Variants in CPSF4 observed in about 807,000 individuals in gnomAD.
CPSF4 encodes the protein cleavage and polyadenylation specific factor 4, also known as cleavage and polyadenylation specificity factor subunit 4.
A neutral mutation model predicts 37.7 loss-of-function variants in CPSF4; 11 were observed. The ratio of observed to expected loss-of-function variants is 0.29; its 90% CI spans 0.18 to 0.48. The LOEUF is 0.48. Among genes scored for constraint, CPSF4 ranks in the 20% least tolerant of loss-of-function variants. CPSF4 has a pLI of 0.99. For synonymous variants in CPSF4, 132 were observed against 135.9 expected (o/e 0.97, Z 0.20); for missense variants, 144 against 359.5 (o/e 0.40, Z 4.85).
At chr7:99,450,567 T>C in intron 4 of CPSF4, 135 bp from the exon 5 acceptor site, 1 of 817,094 alleles carries the variant, frequency 1.2e-6, no homozygotes, top group Non-Finnish European at 2.0e-6. Flanking sequence ...GCTTTTTTGA[T>C]AAGGAGGCCA....
At chr7:99,447,829 C>G (rs1362874513) in intron 2 of CPSF4, 2 of 488,790 alleles carry the variant, frequency 4.1e-6, no homozygotes, top group Non-Finnish European at 8.1e-6. Flanking sequence ...CCAGGATGGT[C>G]TCGATCTCCT....
At chr7:99,450,664 G>A in intron 4 of CPSF4, 38 bp from the exon 5 acceptor site, 1 of 1,493,102 alleles carries the variant, frequency 6.7e-7, no homozygotes. Flanking sequence ...CTAACTGGTA[G>A]AGGGGACATC....
At position 99,443,505 on chromosome 7, in the gene CPSF4, C is replaced by A. The variant is rs1035582004; in HGVS notation, c.104-1284C>A. 14 of 765,408 alleles carry A rather than the reference C, an allele frequency of 1.8e-5. No homozygotes were observed. The African/African-American group carries it at 2.2e-4, about 12-fold the overall frequency. The allele number at this position is 765,408 out of a possible 1,614,324, so 47.4% of individuals were successfully genotyped here. On this transcript the variant is annotated intron_variant, in intron 1 of 7. Coordinates refer to ENST00000292476, the MANE Select transcript of CPSF4 (RefSeq NM_006693.4). ...ACCATCTCAGTTACCATCTTGTTAC[C>A]CCTCCGGGTGTGCTCTTTTAATAAT...
intron 1 of CPSF4, among the ~76,000 whole-genome samples, chr7:99,440,655 CATATAT>C (rs1228721219): frequency 3.3e-5 from 3 of 90,634 alleles, no homozygotes; most frequent in African/African-American, 2.6e-4. Flanking sequence ...CTGCACCTGG[CATATAT>C]ATATATATAT....
In CPSF4 at chr7:99,440,672, A is replaced by ATGTTTTTTTT. The variant is rs1406517833; in HGVS notation, c.103+1488_103+1489insGTTTTTTTTT. Among the ~76,000 whole-genome samples, 53 of 81,938 alleles carry ATGTTTTTTTT rather than the reference A, an allele frequency of 6.5e-4. 2 individuals carry two copies. The highest frequency in any genetic ancestry group is 6.4e-3 in the African/African-American group (48 of 7,538). The allele number at this position is 81,938 out of a possible 152,430, so 53.8% of individuals were successfully genotyped here. On this transcript the variant is annotated intron_variant, in intron 1 of 7. Coordinates refer to ENST00000292476, the MANE Select transcript of CPSF4 (RefSeq NM_006693.4). ...GCACCTGGCATATATATATATATATATATTTTTTTTTTTTTTTTTTTCCTG... is the reference window on the plus strand; with the variant it reads ...GCACCTGGCATATATATATATATATATGTTTTTTTTTATTTTTTTTTTTTTTTTTTTCCTG...
At chr7:99,442,330 T>A (rs954979802) in intron 1 of CPSF4, among the ~76,000 whole-genome samples, 2 of 151,462 alleles carry the variant, frequency 1.3e-5, no homozygotes, top group African/African-American at 4.9e-5. Flanking sequence ...AAGGCTGTGC[T>A]TTTTTTTTCT....
intron 5 of CPSF4, 43 bp from the exon 6 acceptor site, chr7:99,452,325 A>G: frequency 6.5e-7 from 1 of 1,536,296 alleles, no homozygotes; most frequent in Non-Finnish European, 9.0e-7. Context: ...CCCTGACCCC[A>G]CTCCTTCTCT....
intron 1 of CPSF4, chr7:99,443,115 G>T: frequency 1.2e-6 from 1 of 839,708 alleles, no homozygotes; most frequent in Non-Finnish European, 2.1e-6. Flanking sequence ...GACTTTTGTT[G>T]GAACTGAAGA....
chr7:99,453,707 A>T lies in CPSF4; in HGVS notation c.571-259A>T. The T allele has an allele frequency of 2.3e-6, 1 of 429,734 alleles. No individual in the cohort carries two copies. The highest frequency in any genetic ancestry group is 4.1e-6 in the Non-Finnish European group (1 of 241,094). The allele number at this position is 429,734 out of a possible 1,614,324, so 26.6% of individuals were successfully genotyped here. Reference sequence around the variant, plus strand: ...ATGCCCTCGCCCCACTGCCCCAGAGACCTCCTCTTGTCTCTTTGATGTTTT... The same window carrying T: ...ATGCCCTCGCCCCACTGCCCCAGAGTCCTCCTCTTGTCTCTTTGATGTTTT... On this transcript the variant is annotated intron_variant, in intron 6 of 7. Coordinates refer to ENST00000292476, the MANE Select transcript of CPSF4 (RefSeq NM_006693.4). This position sits in a 1 kb window ranked among gnomAD's most constrained non-coding sequence, Gnocchi z 4.7.
At chr7:99,454,647 A>T (rs1378961857) in intron 7 of CPSF4, among the ~76,000 whole-genome samples, 1 of 152,172 alleles carries the variant, frequency 6.6e-6, no homozygotes, top group Admixed American at 6.5e-5. Flanking sequence ...AAGCGGGGAA[A>T]GGGGAGGAAA....
intron 1 of CPSF4, among the ~76,000 whole-genome samples, chr7:99,442,668 A>AAAAC (rs1554363485): frequency 4.6e-5 from 7 of 151,264 alleles, no homozygotes; most frequent in Admixed American, 2.0e-4. Flanking sequence ...AAAAAAAAAA[A>AAAAC]AAAAAAACAA....
At chr7:99,440,675 T>TATATATATATATATATATA (rs1491236759) in intron 1 of CPSF4, among the ~76,000 whole-genome samples, 18 of 74,802 alleles carry the variant, frequency 2.4e-4, no homozygotes, top group African/African-American at 3.2e-4. Flanking sequence ...TATATATATA[T>TATATATATATATATATATA]TTTTTTTTTT....
intron 4 of CPSF4, 28 bp downstream of exon 4, chr7:99,450,399 G>A (rs1176982240): frequency 1.3e-6 from 2 of 1,529,006 alleles, no homozygotes; most frequent in Non-Finnish European, 1.8e-6. Flanking sequence ...CTGGGCCCCG[G>A]GCAAGAAGCC....
intron 1 of CPSF4, among the ~76,000 whole-genome samples, chr7:99,440,675 T>TATATATATATATATATATATG (rs1491236759): frequency 1.1e-4 from 8 of 74,866 alleles, no homozygotes; most frequent in African/African-American, 3.2e-4. Flanking sequence ...TATATATATA[T>TATATATATATATATATATATG]TTTTTTTTTT....
At position 99,448,458 on chromosome 7, in the gene CPSF4, TC is replaced by T. The variant is rs1797696608; in HGVS notation, c.307+186del. ...ACAGTGTGGCTATTTTCTGCTCATC[TC>T]TTTTTTTTTTTTTTTTTTTTTAAAG... On this transcript the variant is annotated intron_variant, in intron 3 of 7. Transcript: ENST00000292476. The surrounding 1 kb of genome is among the most constrained non-coding windows in gnomAD (Gnocchi z 4.4). The T allele has an allele frequency of 5.0e-5, 24 of 477,382 alleles. No individual in the cohort carries two copies. Among genetic ancestry groups the T allele is most frequent in the Middle Eastern group, 5.6e-4 (1 of 1,788 alleles). The allele number at this position is 477,382 out of a possible 1,614,324, so 29.6% of individuals were successfully genotyped here.
chr7:99,453,364 G>A lies in CPSF4; in HGVS notation c.571-602G>A, dbSNP rs45441991. 5,671 of 152,704 alleles carry A rather than the reference G, an allele frequency of 0.037. 112 individuals carry two copies. The highest frequency in any genetic ancestry group is 0.048 in the Admixed American group (731 of 15,304). The allele number at this position is 152,704 out of a possible 1,614,324, so 9.5% of individuals were successfully genotyped here. On this transcript the variant is annotated intron_variant, in intron 6 of 7. Transcript: ENST00000292476. The surrounding 1 kb of genome is among the most constrained non-coding windows in gnomAD (Gnocchi z 4.7). ...CATTGAACTCTTGATGGGGAAAGCC[G>A]GGAATTCCAGGTGTAGGTGCAGCCG... is the stretch of plus-strand genomic sequence containing the variant.
chr7:99,456,620 T>G lies in CPSF4; in HGVS notation c.*120T>G. The G allele has an allele frequency of 1.2e-6, 1 of 814,592 alleles. No individual in the cohort carries two copies. The highest frequency in any genetic ancestry group is 2.1e-6 in the Non-Finnish European group (1 of 481,512). 50.5% of individuals were successfully genotyped at this position (814,592 alleles called of 1,614,324 possible). On this transcript the variant is annotated 3_prime_UTR_variant, in exon 8 of 8. Coordinates refer to ENST00000292476, the MANE Select transcript of CPSF4 (RefSeq NM_006693.4). ...GAGCTGGCCCGCAGACACGTGGGTTTCATCACTCTGAGGGGCCACGTCTGT... is the reference window on the plus strand; with the variant it reads ...GAGCTGGCCCGCAGACACGTGGGTTGCATCACTCTGAGGGGCCACGTCTGT...
At chr7:99,446,269 T>G (rs572179439) in intron 2 of CPSF4, among the ~76,000 whole-genome samples, 1 of 152,366 alleles carries the variant, frequency 6.6e-6, no homozygotes, top group African/African-American at 2.4e-5. Context: ...CACAGGGCAT[T>G]CTGTCTCTCT....
chr7:99,440,388 C>T (rs554758739), intron 1 of CPSF4, among the ~76,000 whole-genome samples: 36 of 152,072 alleles, frequency 2.4e-4, no homozygotes, highest in Admixed American at 3.9e-4. Flanking sequence ...GCCCCTCTGT[C>T]GCCCAGGCTG....
Sources: allele counts gnomAD v4.1 joint callset (sites outside exome capture counted in the v4.1 genomes callset), GRCh38; gene constraint gnomAD v4.1.1; non-coding constraint Gnocchi (gnomAD v3.1); transcripts MANE v1.5; gene names NCBI Gene and HGNC (gene_info 2026-07-23, HGNC 2026-07-21).